The following CMSS1 variants were observed in gnomAD, a reference collection of about 807,000 sequenced individuals.
CMSS1 encodes protein CMSS1.
CMSS1 carries 33 observed loss-of-function variants against 43.5 expected under a neutral mutation model. The observed-to-expected ratio is 0.76, with a 90% CI of 0.57 to 1.01. CMSS1 has a LOEUF of 1.01. Among genes scored for constraint, CMSS1 ranks in the 50% least tolerant of loss-of-function variants. The pLI is 0.00. For synonymous variants in CMSS1, 115 were observed against 117.2 expected (o/e 0.98, Z 0.12); for missense variants, 313 against 326.4 (o/e 0.96, Z 0.32).
chr3:99,877,444 G>A (rs960990747), intron 1 of CMSS1, among the ~76,000 whole-genome samples: 4 of 152,148 alleles, frequency 2.6e-5, no homozygotes, highest in Non-Finnish European at 5.9e-5. Context: ...AACATTAAAT[G>A]TATGTCCTCT....
chr3:99,855,481 A>G (rs1446527661), intron 1 of CMSS1, among the ~76,000 whole-genome samples: 2 of 152,152 alleles, frequency 1.3e-5, no homozygotes, highest in East Asian at 3.8e-4. Context: ...TCTCATGACA[A>G]ATTTACAGGG....
chr3:99,955,392 G>A (rs545087586), intron 1 of CMSS1, among the ~76,000 whole-genome samples: 1 of 152,152 alleles, frequency 6.6e-6, no homozygotes, highest in East Asian at 1.9e-4. Flanking sequence ...GAAAACAAAG[G>A]CTAGATAATT....
At chr3:100,062,937 G>A (rs765637792) in intron 1 of CMSS1, among the ~76,000 whole-genome samples, 2 of 152,182 alleles carry the variant, frequency 1.3e-5, no homozygotes, top group Non-Finnish European at 2.9e-5. Flanking sequence ...ATCTCTCTGA[G>A]CCAGCAGACG....
At chr3:99,914,083 C>T (rs1261131377) in intron 1 of CMSS1, among the ~76,000 whole-genome samples, 1 of 152,130 alleles carries the variant, frequency 6.6e-6, no homozygotes, top group African/African-American at 2.4e-5. Flanking sequence ...GGGAATTTGG[C>T]AAAGTGGGCC....
intron 1 of CMSS1, among the ~76,000 whole-genome samples, chr3:99,932,505 A>G (rs143940131): frequency 4.2e-4 from 64 of 152,306 alleles, no homozygotes; most frequent in African/African-American, 1.5e-3. Flanking sequence ...AGTATTCAAA[A>G]AAATGCTACT....
intron 1 of CMSS1, among the ~76,000 whole-genome samples, chr3:99,819,655 C>T (rs1038070038): frequency 1.3e-4 from 20 of 152,040 alleles, no homozygotes; most frequent in Admixed American, 2.6e-4. Flanking sequence ...ACGCTTTTCC[C>T]GCTACTACTT....
intron 1 of CMSS1, among the ~76,000 whole-genome samples, chr3:100,082,237 T>C (rs938376869): frequency 1.6e-4 from 25 of 152,230 alleles, no homozygotes; most frequent in African/African-American, 6.0e-4. Context: ...ATAGAATTCA[T>C]AGAATAGAAT....
chr3:99,983,097 C>T (rs1709175794), intron 1 of CMSS1, among the ~76,000 whole-genome samples: 1 of 152,016 alleles, frequency 6.6e-6, no homozygotes, highest in South Asian at 2.1e-4. Flanking sequence ...AAATGCCTTT[C>T]TTTCAGATGG....
intron 1 of CMSS1, among the ~76,000 whole-genome samples, chr3:99,929,513 A>AGTGT (rs10629410): frequency 0.27 from 40,167 of 148,102 alleles, 5,449 homozygotes; most frequent in Admixed American, 0.32. Flanking sequence ...AAGTTCCCAG[A>AGTGT]GTGTGTGTGT....
chr3:100,064,409 T>G (rs2065626950), intron 1 of CMSS1, among the ~76,000 whole-genome samples: 3 of 152,150 alleles, frequency 2.0e-5, no homozygotes. Flanking sequence ...TTTTTTTTTT[T>G]TCAACATTAA....
intron 1 of CMSS1, among the ~76,000 whole-genome samples, chr3:100,037,353 A>G (rs951081766): frequency 7.9e-5 from 12 of 152,314 alleles, no homozygotes; most frequent in Middle Eastern, 3.4e-3. Context: ...ATAACTGGTG[A>G]ATATGGGTGA....
intron 1 of CMSS1, among the ~76,000 whole-genome samples, chr3:100,056,902 G>C (rs2065474333): frequency 6.6e-6 from 1 of 152,128 alleles, no homozygotes; most frequent in African/African-American, 2.4e-5. Context: ...TACTCGGGAG[G>C]CTGAGGCAGG....
intron 1 of CMSS1, among the ~76,000 whole-genome samples, chr3:99,923,960 C>T (rs75597220): frequency 0.031 from 4,762 of 152,316 alleles, 200 homozygotes; most frequent in South Asian, 0.12. Flanking sequence ...AGGGACTAGA[C>T]CCCTGTTGCC....
intron 1 of CMSS1, among the ~76,000 whole-genome samples, chr3:99,971,573 C>T (rs1708823584): frequency 6.6e-6 from 1 of 152,162 alleles, no homozygotes; most frequent in African/African-American, 2.4e-5. Flanking sequence ...TTCCAAAATT[C>T]CCACTTCCTC....
intron 1 of CMSS1, chr3:100,113,990 T>C (rs2066532245): frequency 6.6e-6 from 1 of 152,170 alleles, no homozygotes; most frequent in African/African-American, 2.4e-5. Context: ...CGCTCCTAGC[T>C]GGTGAATAAC....
intron 1 of CMSS1, among the ~76,000 whole-genome samples, chr3:99,830,851 T>C (rs1942647817): frequency 6.6e-6 from 1 of 152,222 alleles, no homozygotes; most frequent in African/African-American, 2.4e-5. Flanking sequence ...TGAATAGATA[T>C]TTGGCAATCA....
chr3:100,142,525 A>G (rs2066813706), intron 1 of CMSS1, among the ~76,000 whole-genome samples: 1 of 152,186 alleles, frequency 6.6e-6, no homozygotes, highest in Admixed American at 6.5e-5. Context: ...GGTAGGTGAA[A>G]CAGGTCCTGG....
intron 1 of CMSS1, among the ~76,000 whole-genome samples, chr3:99,928,685 A>G (rs1707375500): frequency 6.6e-6 from 1 of 152,176 alleles, no homozygotes; most frequent in South Asian, 2.1e-4. Flanking sequence ...TGCCATTTGT[A>G]GAGTTTTGTT....
chr3:99,940,366 T>C (rs1707816472), intron 1 of CMSS1, among the ~76,000 whole-genome samples: 1 of 152,246 alleles, frequency 6.6e-6, no homozygotes, highest in African/African-American at 2.4e-5. Context: ...CTTTCCATAT[T>C]TCTTCCAACT....
Sources: gnomAD v4.1 joint callset for allele counts (sites outside exome capture counted in the v4.1 genomes callset) on GRCh38, gnomAD v4.1.1 for gene constraint, MANE v1.5 for transcripts, NCBI Gene and HGNC (gene_info 2026-07-23, HGNC 2026-07-21) for gene names.